SHOC2: variants seen among roughly 807,000 people sequenced by gnomAD.
The protein encoded by SHOC2 is SHOC2 leucine rich repeat scaffold protein.
In SHOC2, 4 loss-of-function variants were observed where a neutral mutation model predicts 50.2. The observed-to-expected ratio is 0.08, with a 90% CI of 0.04 to 0.18. The LOEUF (loss-of-function observed/expected upper bound fraction) is 0.18. SHOC2 is among the 10% of genes least tolerant of loss of function. The pLI, the probability that SHOC2 is intolerant of heterozygous loss-of-function variation, is 1.00. For synonymous variants in SHOC2, 218 were observed against 244.5 expected (o/e 0.89, Z 1.01); for missense variants, 388 against 669.6 (o/e 0.58, Z 4.64).
At chr10:110,973,333 A>C (rs1335017472) in intron 2 of SHOC2, among the ~76,000 whole-genome samples, 1 of 152,182 alleles carries the variant, frequency 6.6e-6, no homozygotes, top group African/African-American at 2.4e-5. Flanking sequence ...GAAAGTTTAT[A>C]ACCGTGAAAC....
chr10:110,953,689 A>G (rs1489085501), intron 1 of SHOC2, among the ~76,000 whole-genome samples: 2 of 151,770 alleles, frequency 1.3e-5, no homozygotes, highest in Admixed American at 1.3e-4. Context: ...GTTACAGTAA[A>G]TCTTTGAGAG....
chr10:110,979,439 T>C (rs1358213376), intron 2 of SHOC2, among the ~76,000 whole-genome samples: 1 of 152,152 alleles, frequency 6.6e-6, no homozygotes, highest in Non-Finnish European at 1.5e-5. Flanking sequence ...AGGGGAGGGG[T>C]AATTATATAA....
intron 1 of SHOC2, among the ~76,000 whole-genome samples, chr10:110,949,120 A>G (rs892835744): frequency 6.6e-6 from 1 of 152,184 alleles, no homozygotes; most frequent in Admixed American, 6.5e-5. Flanking sequence ...GCAGAAATAA[A>G]TGAAATAGGG....
At chr10:110,921,345 TATAA>T (rs1489118281) in intron 1 of SHOC2, among the ~76,000 whole-genome samples, 8 of 152,320 alleles carry the variant, frequency 5.3e-5, no homozygotes, top group Middle Eastern at 6.8e-3. Flanking sequence ...TTTATGTAAT[TATAA>T]ATACACATTT....
Position 111,009,811 on chromosome 10 carries a change from T to C in SHOC2, c.1521T>C (p.Thr507=), listed in dbSNP as rs780849465. Residue 507 remains threonine, a synonymous_variant, in exon 8 of 9, where the codon ACT becomes ACC. Coordinates refer to ENST00000369452, the MANE Select transcript of SHOC2 (RefSeq NM_007373.4). ...TGGGCCTTGGAGAGAACCTACTTAC[T>C]CACCTTCCTGAAGAAATTGGTATGA... The part of the protein sequence containing the change: ...THLGLGENLL[T]HLPEEIGTLE... The C allele has an allele frequency of 2.5e-6, 4 of 1,602,620 alleles. No homozygotes were observed. The highest frequency in any genetic ancestry group is 4.5e-5 in the East Asian group (2 of 44,750).
chr10:111,012,732 GTATT>G lies in SHOC2; in HGVS notation c.*919_*922del, dbSNP rs1054277943. 6.6e-6 allele frequency: 1 copy of G among 152,378 alleles called. No individual in the cohort carries two copies. Among genetic ancestry groups the G allele is most frequent in the Non-Finnish European group, 1.5e-5 (1 of 68,002 alleles). 9.4% of individuals were successfully genotyped at this position (152,378 alleles called of 1,614,324 possible). ...TGTATATACAATGCTATATAGATAT[GTATT>G]TATTATATCATAAACTACAGTAGGT... On this transcript the variant is annotated 3_prime_UTR_variant, in exon 9 of 9. Transcript: ENST00000369452.
intron 1 of SHOC2, among the ~76,000 whole-genome samples, chr10:110,958,785 G>A (rs933139651): frequency 1.1e-4 from 16 of 150,792 alleles, no homozygotes; most frequent in Admixed American, 7.3e-4. Context: ...GATTTAAGCC[G>A]GCTACTCAGA....
intron 8 of SHOC2, among the ~76,000 whole-genome samples, 168 bp from the exon 9 acceptor site, chr10:111,011,442 T>C (rs1848563771): frequency 6.6e-6 from 1 of 152,116 alleles, no homozygotes; most frequent in Non-Finnish European, 1.5e-5. Flanking sequence ...TTGATTTGAA[T>C]ATGCAGCAAA....
intron 2 of SHOC2, among the ~76,000 whole-genome samples, chr10:110,966,397 A>C (rs1216968705): frequency 1.3e-5 from 2 of 152,120 alleles, no homozygotes; most frequent in Non-Finnish European, 1.5e-5. Flanking sequence ...TGTCATATTT[A>C]GTCAAAATTT....
At chr10:110,968,165 G>A (rs1184766785) in intron 2 of SHOC2, among the ~76,000 whole-genome samples, 2 of 152,042 alleles carry the variant, frequency 1.3e-5, no homozygotes, top group African/African-American at 4.8e-5. Context: ...CCATTCTATC[G>A]TGTGAATTGG....
chr10:111,010,574 C>G (rs2025848), intron 8 of SHOC2, among the ~76,000 whole-genome samples: 2 of 152,016 alleles, frequency 1.3e-5, no homozygotes, highest in African/African-American at 4.8e-5. Context: ...GGAGATATAC[C>G]TAATGTAAAT....
chr10:111,007,166 C>A (rs1257152012), intron 5 of SHOC2, among the ~76,000 whole-genome samples: 1 of 152,114 alleles, frequency 6.6e-6, no homozygotes, highest in East Asian at 1.9e-4. Flanking sequence ...GTTTTCATAT[C>A]TTTATTTGAG....
At chr10:111,005,669 T>G (rs1455419594) in intron 5 of SHOC2, among the ~76,000 whole-genome samples, 1 of 152,210 alleles carries the variant, frequency 6.6e-6, no homozygotes, top group Non-Finnish European at 1.5e-5. Context: ...GCTTACCCAC[T>G]CTACAGTGAT....
chr10:110,925,094 T>TAAAAAAAAA (rs1554853396), intron 1 of SHOC2, among the ~76,000 whole-genome samples: 1 of 118,882 alleles, frequency 8.4e-6, no homozygotes, highest in Non-Finnish European at 2.0e-5. Flanking sequence ...AAAAAAAAAT[T>TAAAAAAAAA]AAAATAAAAA....
intron 1 of SHOC2, among the ~76,000 whole-genome samples, chr10:110,951,254 G>A (rs765143834): frequency 3.0e-4 from 45 of 152,274 alleles, no homozygotes; most frequent in Non-Finnish European, 5.4e-4. Context: ...AACATACAGT[G>A]TACATCAGGT....
intron 1 of SHOC2, among the ~76,000 whole-genome samples, chr10:110,940,668 G>A (rs1564705657): frequency 6.6e-6 from 1 of 151,992 alleles, no homozygotes. Context: ...TTTATTTACT[G>A]TGATGATTTT....
chr10:110,919,377 C>G (rs1209027934), upstream of SHOC2: 2 of 387,864 alleles, frequency 5.2e-6, no homozygotes, highest in African/African-American at 2.1e-5. Flanking sequence ...GAGGAAAGGA[C>G]AAGGGCGGAG....
intron 5 of SHOC2, among the ~76,000 whole-genome samples, chr10:111,006,055 T>G (rs1309420721): frequency 1.3e-5 from 2 of 152,218 alleles, no homozygotes; most frequent in African/African-American, 4.8e-5. Context: ...ACAGTGGTAA[T>G]GGTGTTGATT....
intron 3 of SHOC2, among the ~76,000 whole-genome samples, chr10:110,990,327 T>G (rs1476256974): frequency 1.3e-5 from 2 of 152,142 alleles, no homozygotes; most frequent in African/African-American, 2.4e-5. Context: ...AGTGCACCAA[T>G]GGACACTCTG....
Sources: gnomAD v4.1 joint callset for allele counts (sites outside exome capture counted in the v4.1 genomes callset) on GRCh38, gnomAD v4.1.1 for gene constraint, MANE v1.5 for transcripts, NCBI Gene and HGNC (gene_info 2026-07-23, HGNC 2026-07-21) for gene names.